The following GABRB3 variants were observed in gnomAD, a reference collection of about 807,000 sequenced individuals.
GABRB3 encodes the protein gamma-aminobutyric acid receptor subunit beta-3.
A neutral mutation model predicts 52.1 loss-of-function variants in GABRB3; 14 were observed. The observed-to-expected ratio is 0.27, with a 90% CI of 0.18 to 0.42. The LOEUF (loss-of-function observed/expected upper bound fraction) is 0.42. Among genes scored for constraint, GABRB3 ranks in the 10% least tolerant of loss-of-function variants. GABRB3 has a pLI of 1.00. For missense variants in GABRB3, 307 were observed against 609.1 expected (o/e 0.50, Z 5.22); for synonymous variants, 260 against 232.3 (o/e 1.12, Z -1.08).
intron 3 of GABRB3, among the ~76,000 whole-genome samples, chr15:26,641,117 C>T (rs138301482): frequency 1.1e-4 from 16 of 152,280 alleles, no homozygotes; most frequent in East Asian, 9.7e-4. Flanking sequence ...TTAAACAGAA[C>T]GGTATGAGGA....
At chr15:26,625,156 G>A (rs1321800743) in intron 3 of GABRB3, among the ~76,000 whole-genome samples, 2 of 152,142 alleles carry the variant, frequency 1.3e-5, no homozygotes, top group East Asian at 3.9e-4. Flanking sequence ...CTCTCAATGT[G>A]GAAGCTCCAA....
At chr15:26,715,918 C>G (rs1889451861) in intron 3 of GABRB3, among the ~76,000 whole-genome samples, 1 of 152,152 alleles carries the variant, frequency 6.6e-6, no homozygotes. Context: ...GATTTCCAGA[C>G]TTGCTACATC....
intron 3 of GABRB3, among the ~76,000 whole-genome samples, chr15:26,694,866 T>C (rs1249795454): frequency 2.6e-5 from 4 of 152,126 alleles, no homozygotes; most frequent in Non-Finnish European, 1.5e-5. Flanking sequence ...AGACACTAAA[T>C]AAGGATTGAA....
chr15:26,739,546 A>G (rs974415101), intron 3 of GABRB3, among the ~76,000 whole-genome samples: 3 of 152,106 alleles, frequency 2.0e-5, no homozygotes, highest in African/African-American at 7.2e-5. Context: ...AAATATTCAC[A>G]ATGCAAGGAG....
chr15:26,600,086 G>T (rs1215473849), intron 4 of GABRB3, among the ~76,000 whole-genome samples: 1 of 151,882 alleles, frequency 6.6e-6, no homozygotes, highest in East Asian at 1.9e-4. Flanking sequence ...AGACTACAAT[G>T]ATTGAACTAA....
upstream of GABRB3, chr15:26,773,627 G>T (rs376837906): frequency 3.2e-6 from 5 of 1,549,066 alleles, no homozygotes; most frequent in Non-Finnish European, 4.4e-6. Flanking sequence ...GCAGAACGCC[G>T]GGAAGCCCCC....
intron 4 of GABRB3, among the ~76,000 whole-genome samples, chr15:26,586,187 G>C (rs539869359): frequency 6.6e-6 from 1 of 151,988 alleles, no homozygotes; most frequent in African/African-American, 2.4e-5. Flanking sequence ...TTTTAGAAGA[G>C]ACAGGGTTTC....
intron 3 of GABRB3, among the ~76,000 whole-genome samples, chr15:26,663,419 T>C (rs558035739): frequency 1.2e-4 from 18 of 152,238 alleles, no homozygotes; most frequent in Non-Finnish European, 2.1e-4. Flanking sequence ...GATGCACGCA[T>C]ATTTGGGACT....
At chr15:26,593,381 T>C (rs921027103) in intron 4 of GABRB3, among the ~76,000 whole-genome samples, 1 of 152,198 alleles carries the variant, frequency 6.6e-6, no homozygotes. Flanking sequence ...TGCATTCACA[T>C]TGGTGTGCGA....
At chr15:26,753,200 G>A (rs773749118) in intron 3 of GABRB3, among the ~76,000 whole-genome samples, 10 of 152,172 alleles carry the variant, frequency 6.6e-5, no homozygotes, top group Non-Finnish European at 8.8e-5. Context: ...TTAGTGTCCC[G>A]TCACCGCAGA....
chr15:26,597,292 AG>A (rs895681389), intron 4 of GABRB3, among the ~76,000 whole-genome samples: 3 of 152,322 alleles, frequency 2.0e-5, no homozygotes, highest in Non-Finnish European at 4.4e-5. Context: ...CATGTTTCTT[AG>A]AAACTTCAGC....
intron 3 of GABRB3, among the ~76,000 whole-genome samples, chr15:26,737,801 T>A (rs1283645286): frequency 6.6e-6 from 1 of 152,208 alleles, no homozygotes; most frequent in African/African-American, 2.4e-5. Flanking sequence ...CATACTTTTT[T>A]ACTTAATGTT....
chr15:26,569,777 G>T (rs1340432546), intron 6 of GABRB3, among the ~76,000 whole-genome samples: 1 of 152,232 alleles, frequency 6.6e-6, no homozygotes, highest in African/African-American at 2.4e-5. Flanking sequence ...AGCACACCTT[G>T]CAAATATGAC....
At chr15:26,712,676 T>C (rs1889336478) in intron 3 of GABRB3, among the ~76,000 whole-genome samples, 1 of 152,056 alleles carries the variant, frequency 6.6e-6, no homozygotes, top group East Asian at 1.9e-4. Context: ...GTATTACATG[T>C]CAGTGTTGCT....
intron 3 of GABRB3, among the ~76,000 whole-genome samples, chr15:26,757,590 C>T (rs1427311663): frequency 2.0e-5 from 3 of 152,106 alleles, no homozygotes; most frequent in Non-Finnish European, 4.4e-5. Flanking sequence ...GTTAAGCTGC[C>T]TCTTAAAGCT....
intron 3 of GABRB3, among the ~76,000 whole-genome samples, chr15:26,734,999 T>C (rs1003079080): frequency 6.6e-6 from 1 of 152,156 alleles, no homozygotes; most frequent in African/African-American, 2.4e-5. Flanking sequence ...ATATATCTGA[T>C]AAAGGATTGA....
intron 6 of GABRB3, among the ~76,000 whole-genome samples, chr15:26,574,234 A>G (rs1306057885): frequency 6.6e-6 from 1 of 152,094 alleles, no homozygotes; most frequent in Non-Finnish European, 1.5e-5. Flanking sequence ...ACCATACCCT[A>G]TGGCCACAAT....
At chr15:26,674,509 A>C (rs1348524555) in intron 3 of GABRB3, among the ~76,000 whole-genome samples, 2 of 151,390 alleles carry the variant, frequency 1.3e-5, no homozygotes, top group African/African-American at 4.8e-5. Context: ...GGAAAAGGAA[A>C]AAAAAGAAAC....
chr15:26,752,376 G>C (rs933447763), intron 3 of GABRB3, among the ~76,000 whole-genome samples: 2 of 151,776 alleles, frequency 1.3e-5, no homozygotes, highest in African/African-American at 4.8e-5. Flanking sequence ...AGATTCTCCT[G>C]CCTCAGCCTC....
Sources: allele counts gnomAD v4.1 joint callset (sites outside exome capture counted in the v4.1 genomes callset), GRCh38; gene constraint gnomAD v4.1.1; transcripts MANE v1.5; gene names NCBI Gene and HGNC (gene_info 2026-07-23, HGNC 2026-07-21).